Variants in FSHR observed in about 807,000 individuals in gnomAD.
FSHR encodes the protein follicle stimulating hormone receptor.
FSHR carries 46 observed loss-of-function variants against 52.1 expected under a neutral mutation model. The ratio of observed to expected loss-of-function variants is 0.88; its 90% CI spans 0.70 to 1.13. The LOEUF (loss-of-function observed/expected upper bound fraction) is 1.13, where lower values mean the gene tolerates loss of function less well. FSHR is among the 50% of genes most tolerant of loss of function. The probability of loss-of-function intolerance (pLI) is 0.00; values close to 1 mark genes in which losing one functional copy is unlikely to be tolerated. For missense variants in FSHR, 964 were observed against 834.6 expected, an observed-to-expected ratio of 1.16 and a Z score of -1.91; for synonymous variants, 399 against 309.6, an observed-to-expected ratio of 1.29 and a Z score of -3.03.
intron 2 of FSHR, among the ~76,000 whole-genome samples, chr2:49,031,068 A>G (rs963873118): frequency 8.5e-5 from 13 of 152,206 alleles, no homozygotes; most frequent in African/African-American, 3.1e-4. Context: ...GGGGATCAAC[A>G]ACCTGGTTCA....
At chr2:49,070,341 A>G (rs145119369) in intron 1 of FSHR, among the ~76,000 whole-genome samples, 74 of 152,312 alleles carry the variant, frequency 4.9e-4, no homozygotes, top group African/African-American at 1.5e-3. Context: ...TTTAAGATCA[A>G]AGATTATCTA....
At chr2:49,131,640 T>A (rs1672282712) in intron 1 of FSHR, among the ~76,000 whole-genome samples, 1 of 152,188 alleles carries the variant, frequency 6.6e-6, no homozygotes, top group Non-Finnish European at 1.5e-5. Flanking sequence ...TTATCTTGAA[T>A]GTAAAGATCT....
At chr2:49,140,970 C>T (rs1331588269) in intron 1 of FSHR, among the ~76,000 whole-genome samples, 2 of 152,116 alleles carry the variant, frequency 1.3e-5, no homozygotes, top group Non-Finnish European at 2.9e-5. Flanking sequence ...GCTACTCAAC[C>T]TGCTGAGAGT....
chr2:49,009,671 C>A (rs1405250016), intron 4 of FSHR, among the ~76,000 whole-genome samples: 5 of 149,866 alleles, frequency 3.3e-5, no homozygotes, highest in Admixed American at 2.7e-4. Flanking sequence ...ATGGAATGTT[C>A]TTCCATTTGT....
chr2:49,060,760 C>T (rs1342090807), intron 2 of FSHR, among the ~76,000 whole-genome samples: 9 of 152,168 alleles, frequency 5.9e-5, no homozygotes, highest in African/African-American at 2.2e-4. Context: ...GTTCCCTATT[C>T]TGGGCTTCTG....
chr2:49,035,759 G>A (rs1366578777), intron 2 of FSHR, among the ~76,000 whole-genome samples: 1 of 152,208 alleles, frequency 6.6e-6, no homozygotes, highest in East Asian at 1.9e-4. Context: ...TGGTTTGTAT[G>A]TTACTATTTA....
chr2:49,010,487 C>G (rs571909238), intron 4 of FSHR, among the ~76,000 whole-genome samples: 1 of 152,114 alleles, frequency 6.6e-6, no homozygotes, highest in African/African-American at 2.4e-5. Context: ...GTCTAAAATT[C>G]TCTTTTTTTG....
intron 1 of FSHR, among the ~76,000 whole-genome samples, chr2:49,140,054 A>G (rs1028165800): frequency 6.6e-6 from 1 of 152,198 alleles, no homozygotes; most frequent in African/African-American, 2.4e-5. Context: ...TGTATTACTT[A>G]GGGAACTATG....
At chr2:49,012,442 G>A (rs921893893) in intron 4 of FSHR, among the ~76,000 whole-genome samples, 1 of 151,960 alleles carries the variant, frequency 6.6e-6, no homozygotes, top group Non-Finnish European at 1.5e-5. Flanking sequence ...AGGTTCCTCA[G>A]TGAAGCATGA....
intron 8 of FSHR, 98 bp downstream of exon 8, chr2:48,982,814 C>T (rs1675311538): frequency 2.8e-6 from 3 of 1,055,302 alleles, no homozygotes; most frequent in Admixed American, 1.7e-5. Flanking sequence ...ACTTGATGGC[C>T]AGCCCTGTGT....
At chr2:49,005,458 T>G (rs979418158) in intron 4 of FSHR, among the ~76,000 whole-genome samples, 1 of 152,128 alleles carries the variant, frequency 6.6e-6, no homozygotes, top group East Asian at 1.9e-4. Context: ...CTTAGATCCT[T>G]GCAACACTGA....
intron 1 of FSHR, among the ~76,000 whole-genome samples, chr2:49,149,772 C>G (rs953547): frequency 0.5 from 76,077 of 151,518 alleles, 19,805 homozygotes; most frequent in East Asian, 0.71. Flanking sequence ...GGAATGTAAG[C>G]CAAAGAAAGA....
chr2:48,982,400 G>T (rs893764531), intron 8 of FSHR, among the ~76,000 whole-genome samples: 1 of 152,182 alleles, frequency 6.6e-6, no homozygotes, highest in Non-Finnish European at 1.5e-5. Flanking sequence ...TGTGTATATA[G>T]GTCTCATTGG....
At chr2:49,114,897 G>A (rs570701704) in intron 1 of FSHR, among the ~76,000 whole-genome samples, 3 of 151,926 alleles carry the variant, frequency 2.0e-5, no homozygotes, top group Non-Finnish European at 4.4e-5. Context: ...GAGGAAATGA[G>A]GATCCTTTGA....
intron 2 of FSHR, among the ~76,000 whole-genome samples, chr2:49,026,794 T>C (rs950452559): frequency 6.6e-5 from 10 of 152,134 alleles, no homozygotes; most frequent in African/African-American, 2.4e-4. Context: ...CAACACACTC[T>C]CTAAATGTCA....
intron 1 of FSHR, among the ~76,000 whole-genome samples, chr2:49,130,192 G>T (rs531013584): frequency 6.6e-6 from 1 of 152,236 alleles, no homozygotes; most frequent in Admixed American, 6.5e-5. Flanking sequence ...CTGATGTTTT[G>T]CTAGGAGGAA....
chr2:49,005,999 T>C (rs909766192), intron 4 of FSHR, among the ~76,000 whole-genome samples: 1 of 152,072 alleles, frequency 6.6e-6, no homozygotes, highest in Non-Finnish European at 1.5e-5. Flanking sequence ...GTGAAAAGAT[T>C]AGACTGGCTT....
intron 1 of FSHR, among the ~76,000 whole-genome samples, chr2:49,119,760 C>T (rs747577708): frequency 2.0e-5 from 3 of 152,114 alleles, no homozygotes; most frequent in Non-Finnish European, 2.9e-5. Flanking sequence ...CAAAAACGAA[C>T]AAAGGAATCC....
chr2:49,024,726 C>T (rs1382177529), intron 2 of FSHR, among the ~76,000 whole-genome samples: 1 of 152,106 alleles, frequency 6.6e-6, no homozygotes, highest in East Asian at 1.9e-4. Flanking sequence ...CATTTTTCTC[C>T]AATATATCCA....
Sources: allele counts gnomAD v4.1 joint callset (sites outside exome capture counted in the v4.1 genomes callset), GRCh38; gene constraint gnomAD v4.1.1; transcripts MANE v1.5; gene names NCBI Gene and HGNC (gene_info 2026-07-23, HGNC 2026-07-21).